SDC3: variants seen among roughly 807,000 people sequenced by gnomAD.
SDC3 encodes syndecan-3.
Under a neutral mutation model 24.4 loss-of-function variants are expected in SDC3, and 13 were observed. The observed-to-expected ratio is 0.53, with a 90% CI of 0.35 to 0.85. The LOEUF is 0.85. Among genes scored for constraint, SDC3 ranks in the 40% least tolerant of loss-of-function variants. The pLI is 0.01. For missense variants in SDC3, 571 were observed against 584.5 expected (o/e 0.98, Z 0.24); for synonymous variants, 295 against 260.9 (o/e 1.13, Z -1.26).
intron 1 of SDC3, among the ~76,000 whole-genome samples, chr1:30,881,025 A>T (rs1413383179): frequency 7.0e-6 from 1 of 142,676 alleles, no homozygotes; most frequent in Non-Finnish European, 1.5e-5. Flanking sequence ...GCGCGCACGC[A>T]TGCACACACA....
rs1164020976 is a variant in SDC3, at chr1:30,877,061, G to A, written c.361C>T (p.Pro121Ser). The A allele has an allele frequency of 4.3e-6, 7 of 1,613,858 alleles. No homozygotes were observed. The African/African-American group carries it at 9.3e-5, about 22-fold the overall frequency. Reference protein sequence around the residue: ...PAVLPTTNIQPVGTPFEELPS... With the variant: ...PAVLPTTNIQSVGTPFEELPS... ...AGCTCTTCAAATGGTGTGCCCACAG[G>A]CTGGATGTTCGTGGTGGGCAGCACC... Residue 121 changes from proline (P) to serine (S), a missense_variant, in exon 3 of 5, where the codon CCT becomes TCT. This residue lies in a region of SDC3 where 497 missense variants were observed against 471.6 expected (regional missense o/e 1.05). Coordinates refer to ENST00000339394, the MANE Select transcript of SDC3 (RefSeq NM_014654.4).
intron 1 of SDC3, among the ~76,000 whole-genome samples, chr1:30,897,946 C>T (rs968163712): frequency 6.6e-6 from 1 of 152,174 alleles, no homozygotes; most frequent in Non-Finnish European, 1.5e-5. Flanking sequence ...CATGCTATCT[C>T]CTCACGACAA....
intron 1 of SDC3, among the ~76,000 whole-genome samples, chr1:30,904,550 A>G (rs1273760711): frequency 4.0e-5 from 6 of 151,858 alleles, no homozygotes; most frequent in Non-Finnish European, 8.8e-5. Flanking sequence ...AACCCCCAAC[A>G]CACTGAACTC....
chr1:30,894,300 TGGGG>T (rs1023599118), intron 1 of SDC3, among the ~76,000 whole-genome samples: 1 of 120,354 alleles, frequency 8.3e-6, no homozygotes, highest in Non-Finnish European at 1.7e-5. Flanking sequence ...AGAGAGTGTG[TGGGG>T]GTGTGTGTGC....
rs751834804 is a variant in SDC3, at chr1:30,871,508, G to C, written c.*1703C>G. 5.3e-5 allele frequency: 8 copies of C among 152,278 alleles called. No individual in the cohort carries two copies. The highest frequency in any genetic ancestry group is 2.1e-4 in the South Asian group (1 of 4,834). The allele number at this position is 152,278 out of a possible 1,614,324, so 9.4% of individuals were successfully genotyped here. A position where few individuals can be genotyped will look rare whatever the true frequency, so the allele number is the denominator to read the frequency against. ...GTCTCATCCCTCAAACCCTGACCTC[G>C]GGGCCTGAGGGATCTGCAGGGGCTG... On this transcript the variant is annotated 3_prime_UTR_variant, in exon 5 of 5. Transcript: ENST00000339394.
At chr1:30,889,582 G>A (rs1639877328) in intron 1 of SDC3, among the ~76,000 whole-genome samples, 1 of 152,142 alleles carries the variant, frequency 6.6e-6, no homozygotes. Context: ...CTCTTCAAGG[G>A]ATAAATTCCC....
At chr1:30,893,046 C>T (rs546055403) in intron 1 of SDC3, among the ~76,000 whole-genome samples, 40 of 152,294 alleles carry the variant, frequency 2.6e-4, no homozygotes, top group Non-Finnish European at 5.1e-4. Flanking sequence ...GGCTGATGCC[C>T]AAACGCCCTC....
chr1:30,875,566 C>G (rs1639624089), intron 3 of SDC3, among the ~76,000 whole-genome samples: 1 of 152,148 alleles, frequency 6.6e-6, no homozygotes, highest in African/African-American at 2.4e-5. Context: ...GGCACCCAGT[C>G]CATGTTCCCA....
chr1:30,898,032 T>A (rs1222412540), intron 1 of SDC3, among the ~76,000 whole-genome samples: 1 of 151,806 alleles, frequency 6.6e-6, no homozygotes, highest in Non-Finnish European at 1.5e-5. Context: ...TGTGAGCCAG[T>A]GAGCTCTTCC....
At chr1:30,878,558 C>T in intron 2 of SDC3, 65 bp downstream of exon 2, 1 of 1,385,660 alleles carries the variant, frequency 7.2e-7, no homozygotes, top group Non-Finnish European at 1.0e-6. Context: ...GTGGGCTTCT[C>T]AGAGTTGAGG....
At position 30,870,725 on chromosome 1, in the gene SDC3, C is replaced by T. The variant is rs1338586670; in HGVS notation, c.*2486G>A. 6.6e-6 allele frequency: 1 copy of T among 152,596 alleles called. No individual in the cohort carries two copies. The highest frequency in any genetic ancestry group is 2.4e-5 in the African/African-American group (1 of 41,460). 9.5% of individuals were successfully genotyped at this position (152,596 alleles called of 1,614,324 possible). A position where few individuals can be genotyped will look rare whatever the true frequency, so the allele number is the denominator to read the frequency against. On this transcript the variant is annotated 3_prime_UTR_variant, in exon 5 of 5. Transcript: ENST00000339394. Reference sequence around the variant, plus strand: ...GCCCAAGCCCCAAATCAGAAGCCAACCCCTGGGATGTGAGGAGCCAGGCCT... The same window carrying T: ...GCCCAAGCCCCAAATCAGAAGCCAATCCCTGGGATGTGAGGAGCCAGGCCT...
chr1:30,886,060 A>G (rs901975169), intron 1 of SDC3, among the ~76,000 whole-genome samples: 10 of 151,546 alleles, frequency 6.6e-5, no homozygotes, highest in Non-Finnish European at 1.2e-4. Context: ...AGGACCACCC[A>G]CTGAGGCCCC....
At chr1:30,890,733 C>T (rs985567470) in intron 1 of SDC3, among the ~76,000 whole-genome samples, 1 of 152,208 alleles carries the variant, frequency 6.6e-6, no homozygotes, top group African/African-American at 2.4e-5. Flanking sequence ...GGTCACACAG[C>T]AGAGCCTGGA....
At position 30,876,844 on chromosome 1, in the gene SDC3, G is replaced by T. The variant is rs1026590767; in HGVS notation, c.578C>A (p.Ala193Glu). The T allele has an allele frequency of 1.9e-6, 3 of 1,612,880 alleles. No individual in the cohort carries two copies. In the African/African-American group the frequency reaches 4.0e-5, roughly 22 times the overall value. ...VATATPSTPA[A>E]PPFTATTAVI... ...AGCAGTGGTGGCCGTAAAAGGGGGT[G>T]CTGCAGGGGTGCTGGGGGTGGCGGT... Residue 193 changes from alanine to glutamate, a missense_variant, in exon 3 of 5, where the codon GCA becomes GAA. Physicochemically the swap from Ala to Glu is moderately radical, Grantham distance 107 (BLOSUM62 -1). This residue lies in a region of SDC3 where 497 missense variants were observed against 471.6 expected (regional missense o/e 1.05). Coordinates refer to ENST00000339394, the MANE Select transcript of SDC3 (RefSeq NM_014654.4).
chr1:30,890,094 TGAG>T (rs1317582022), intron 1 of SDC3, among the ~76,000 whole-genome samples: 1 of 152,214 alleles, frequency 6.6e-6, no homozygotes, highest in Admixed American at 6.5e-5. Context: ...GAGGGTCACC[TGAG>T]GTCAGGAGTT....
intron 2 of SDC3, 92 bp from the exon 3 acceptor site, chr1:30,877,257 G>A (rs930270369): frequency 4.0e-6 from 6 of 1,518,894 alleles, no homozygotes; most frequent in Non-Finnish European, 5.4e-6. Flanking sequence ...TCAAGATTAG[G>A]TCTCCCAACC....
At chr1:30,880,655 G>A (rs952240274) in intron 1 of SDC3, 5 of 152,110 alleles carry the variant, frequency 3.3e-5, no homozygotes, top group African/African-American at 1.2e-4. Context: ...TGCAGGCATG[G>A]GCGCTGGGAC....
intron 1 of SDC3, among the ~76,000 whole-genome samples, chr1:30,882,996 A>T (rs1055013146): frequency 1.3e-5 from 2 of 152,232 alleles, no homozygotes; most frequent in Non-Finnish European, 2.9e-5. Flanking sequence ...AAATCAGTGT[A>T]GCCACGATTG....
intron 1 of SDC3, among the ~76,000 whole-genome samples, chr1:30,906,052 C>T (rs1053180719): frequency 2.0e-5 from 3 of 152,124 alleles, no homozygotes; most frequent in African/African-American, 7.2e-5. Context: ...TGCCAGCCAC[C>T]GCTCATCTAC....
Sources: allele counts gnomAD v4.1 joint callset (sites outside exome capture counted in the v4.1 genomes callset), GRCh38; gene constraint gnomAD v4.1.1; regional missense constraint gnomAD v4.1.1; transcripts MANE v1.5; gene names NCBI Gene and HGNC (gene_info 2026-07-23, HGNC 2026-07-21).